The following CDH4 variants were observed in gnomAD, a reference collection of about 807,000 sequenced individuals.
CDH4 encodes the protein cadherin-4.
A neutral mutation model predicts 86.0 loss-of-function variants in CDH4; 33 were observed. The observed-to-expected ratio is 0.38, with a 90% CI of 0.29 to 0.51. The LOEUF is 0.51. Ranked by LOEUF, CDH4 falls within the 20% of genes least tolerant of loss-of-function variation. CDH4 has a pLI of 0.86. For missense variants in CDH4, 1,114 were observed against 1,307.4 expected (o/e 0.85, Z 2.28); for synonymous variants, 555 against 549.4 (o/e 1.01, Z -0.14).
chr20:61,388,174 C>T (rs929948932), intron 2 of CDH4, among the ~76,000 whole-genome samples: 14 of 151,020 alleles, frequency 9.3e-5, no homozygotes, highest in Admixed American at 8.6e-4. Context: ...TTAGAATGTG[C>T]GTGGTCCACA....
chr20:61,740,870 C>T (rs2088324207), intron 2 of CDH4: 1 of 152,272 alleles, frequency 6.6e-6, no homozygotes, highest in African/African-American at 2.4e-5. Context: ...CTGGAGCTTT[C>T]TCGTGATTGG....
intron 7 of CDH4, among the ~76,000 whole-genome samples, chr20:61,883,062 G>T (rs1229803498): frequency 2.6e-5 from 4 of 152,076 alleles, no homozygotes; most frequent in Non-Finnish European, 5.9e-5. Context: ...GTCTCACCCA[G>T]AAATGAGAAA....
chr20:61,784,347 A>G (rs113709215), intron 4 of CDH4, among the ~76,000 whole-genome samples: 3 of 13,876 alleles, frequency 2.2e-4, no homozygotes, highest in African/African-American at 8.1e-4. Flanking sequence ...GACAGTTCTC[A>G]AGGCCCTCCG....
intron 2 of CDH4, among the ~76,000 whole-genome samples, chr20:61,645,736 C>T (rs1335392429): frequency 6.6e-6 from 1 of 152,174 alleles, no homozygotes; most frequent in Non-Finnish European, 1.5e-5. Context: ...TTCAACCACC[C>T]AGAACCACAG....
chr20:61,550,296 CCCAACCTCACTGGCCTCCCTAGCCTGCT>C (rs2086120098), intron 2 of CDH4, among the ~76,000 whole-genome samples: 3 of 141,368 alleles, frequency 2.1e-5, no homozygotes, highest in Non-Finnish European at 4.6e-5. Flanking sequence ...GCCTCCCTGC[CCCAACCTCACTGGCCTCCCTAGCCTGCT>C]TCCCTGGCCT....
intron 2 of CDH4, among the ~76,000 whole-genome samples, chr20:61,259,060 G>A (rs1338025433): frequency 3.3e-5 from 5 of 152,220 alleles, no homozygotes; most frequent in South Asian, 2.1e-4. Context: ...CAGAATTGGG[G>A]CTTTGTTTTA....
chr20:61,812,517 T>A (rs1293894746), intron 4 of CDH4, among the ~76,000 whole-genome samples: 1 of 152,188 alleles, frequency 6.6e-6, no homozygotes, highest in African/African-American at 2.4e-5. Context: ...CTTTGACGTA[T>A]CCTTTAACCC....
chr20:61,422,348 C>T (rs6089545), intron 2 of CDH4, among the ~76,000 whole-genome samples: 6,391 of 139,006 alleles, frequency 0.046, 171 homozygotes, highest in African/African-American at 0.06. Flanking sequence ...CGCTTGAACC[C>T]GGGTGGCAGA....
chr20:61,760,892 C>G (rs926020236), intron 3 of CDH4, among the ~76,000 whole-genome samples: 1 of 152,160 alleles, frequency 6.6e-6, no homozygotes. Context: ...GAAACTCATG[C>G]AAATGCTGAC....
intron 2 of CDH4, among the ~76,000 whole-genome samples, chr20:61,550,681 C>T (rs1430152293): frequency 1.3e-5 from 2 of 152,198 alleles, no homozygotes; most frequent in South Asian, 2.1e-4. Flanking sequence ...TCTTGGATGC[C>T]ACAACCTGCA....
At chr20:61,747,164 G>A (rs941831905) in intron 3 of CDH4, among the ~76,000 whole-genome samples, 19 of 152,156 alleles carry the variant, frequency 1.2e-4, no homozygotes, top group African/African-American at 3.1e-4. Context: ...CACAGGGACC[G>A]GGCGCGGTGG....
In CDH4 at chr20:61,695,473, C is replaced by T. The variant is rs542559683; in HGVS notation, c.170-48090C>T. On this transcript the variant is annotated intron_variant, in intron 2 of 15. Transcript: ENST00000614565. ...ACAGTCTAGGGGTGCCCAGCAAGCC[C>T]CTTTCCATGGTGCCTCTCATCCTTG... Among the ~76,000 whole-genome samples, 37 of 152,316 alleles carry T rather than the reference C, an allele frequency of 2.4e-4. No individual in the cohort carries two copies. In the South Asian group the frequency reaches 7.5e-3, roughly 31 times the overall value.
chr20:61,765,075 C>T (rs2088682704), intron 3 of CDH4, among the ~76,000 whole-genome samples: 1 of 152,174 alleles, frequency 6.6e-6, no homozygotes, highest in African/African-American at 2.4e-5. Context: ...GTAGACACAT[C>T]CCTGGGAGCC....
intron 2 of CDH4, among the ~76,000 whole-genome samples, chr20:61,274,789 G>GTGTGCAGTTTGGGGGAGTACCA (rs2084216994): frequency 7.6e-6 from 1 of 132,132 alleles, no homozygotes; most frequent in Non-Finnish European, 1.6e-5. Context: ...GGGGAGTACT[G>GTGTGCAGTTTGGGGGAGTACCA]TGTGCAGTTT....
intron 5 of CDH4, among the ~76,000 whole-genome samples, chr20:61,846,204 G>A (rs888043592): frequency 2.0e-5 from 3 of 152,224 alleles, no homozygotes; most frequent in Admixed American, 6.5e-5. Flanking sequence ...AGTCCCTCAC[G>A]GCTGCCTCCT....
intron 2 of CDH4, among the ~76,000 whole-genome samples, chr20:61,360,993 T>C (rs2084780312): frequency 6.6e-6 from 1 of 152,046 alleles, no homozygotes; most frequent in African/African-American, 2.4e-5. Context: ...ACGCAGAGAA[T>C]CACAGTTTCC....
chr20:61,531,441 C>G (rs1424480889), intron 2 of CDH4, among the ~76,000 whole-genome samples: 1 of 142,718 alleles, frequency 7.0e-6, no homozygotes, highest in South Asian at 2.2e-4. Context: ...CCATTGCACT[C>G]CAGCCTGGGC....
At chr20:61,326,221 A>T (rs963691533) in intron 2 of CDH4, among the ~76,000 whole-genome samples, 2 of 152,248 alleles carry the variant, frequency 1.3e-5, no homozygotes, top group African/African-American at 4.8e-5. Flanking sequence ...GCCTTGTTTT[A>T]GGAAGGGCTT....
At chr20:61,556,193 T>C (rs749330810) in intron 2 of CDH4, among the ~76,000 whole-genome samples, 1 of 152,194 alleles carries the variant, frequency 6.6e-6, no homozygotes. Flanking sequence ...TTTTCAAAGC[T>C]TGGATCTGTT....
Sources: gnomAD v4.1 joint callset for allele counts (sites outside exome capture counted in the v4.1 genomes callset) on GRCh38, gnomAD v4.1.1 for gene constraint, MANE v1.5 for transcripts, NCBI Gene and HGNC (gene_info 2026-07-23, HGNC 2026-07-21) for gene names.